The following CNTNAP2 variants were observed in gnomAD, a reference collection of about 807,000 sequenced individuals.
The protein encoded by CNTNAP2 is contactin-associated protein-like 2.
In CNTNAP2, 98 loss-of-function variants were observed where a neutral mutation model predicts 155.2. That is an observed-to-expected ratio of 0.63 (90% CI 0.54 to 0.75). CNTNAP2 has a LOEUF of 0.75. Ranked by LOEUF, CNTNAP2 falls within the 30% of genes least tolerant of loss-of-function variation. CNTNAP2 has a pLI of 0.00. For synonymous variants in CNTNAP2, 651 were observed against 631.2 expected (o/e 1.03, Z -0.47); for missense variants, 1,727 against 1,688.1 (o/e 1.02, Z -0.40).
chr7:147,032,379 A>G (rs1799052157), intron 3 of CNTNAP2, among the ~76,000 whole-genome samples: 1 of 152,202 alleles, frequency 6.6e-6, no homozygotes, highest in African/African-American at 2.4e-5. Context: ...GTTAAGATCA[A>G]TATGATACAT....
intron 1 of CNTNAP2, among the ~76,000 whole-genome samples, chr7:146,489,356 A>G (rs985916239): frequency 6.6e-6 from 1 of 152,204 alleles, no homozygotes; most frequent in Non-Finnish European, 1.5e-5. Flanking sequence ...GCAAAAAGCT[A>G]ATTTAGTTTT....
intron 1 of CNTNAP2, among the ~76,000 whole-genome samples, chr7:146,291,943 C>T (rs909127150): frequency 5.3e-5 from 8 of 151,978 alleles, no homozygotes; most frequent in African/African-American, 1.9e-4. Context: ...AGAGACAGCC[C>T]TATGGATTGG....
chr7:147,501,487 C>T (rs1238535146), intron 11 of CNTNAP2, among the ~76,000 whole-genome samples: 1 of 152,160 alleles, frequency 6.6e-6, no homozygotes, highest in African/African-American at 2.4e-5. Flanking sequence ...ATGTCCCTGA[C>T]TTCAGGTGGT....
At chr7:148,267,449 G>C (rs1307997812) in intron 21 of CNTNAP2, among the ~76,000 whole-genome samples, 2 of 152,056 alleles carry the variant, frequency 1.3e-5, no homozygotes, top group African/African-American at 4.8e-5. Flanking sequence ...GAGGTCAGGA[G>C]TTCGAGACCA....
Position 146,806,208 on chromosome 7 carries a change from G to T in CNTNAP2, c.208+31827G>T, listed in dbSNP as rs1480635072. On this transcript the variant is annotated intron_variant, in intron 2 of 23. Coordinates refer to ENST00000361727, the MANE Select transcript of CNTNAP2 (RefSeq NM_014141.6). ...CAGTTATATATTTGCAATGAAAACTGAGGACAGTTACAGTGGCTCATGCCT... is the reference window on the plus strand; with the variant it reads ...CAGTTATATATTTGCAATGAAAACTTAGGACAGTTACAGTGGCTCATGCCT... Among the ~76,000 whole-genome samples the T allele has an allele frequency of 3.9e-5, 6 of 152,188 alleles. No individual in the cohort carries two copies. In the East Asian group the frequency reaches 5.8e-4, roughly 15 times the overall value.
intron 10 of CNTNAP2, among the ~76,000 whole-genome samples, chr7:147,396,542 G>T (rs1206683112): frequency 6.6e-6 from 1 of 151,946 alleles, no homozygotes; most frequent in Non-Finnish European, 1.5e-5. Flanking sequence ...TTGCAAACCT[G>T]GGGAGAAATT....
At chr7:147,165,962 A>C (rs919546556) in intron 8 of CNTNAP2, among the ~76,000 whole-genome samples, 2 of 152,194 alleles carry the variant, frequency 1.3e-5, no homozygotes, top group African/African-American at 2.4e-5. Flanking sequence ...ACTATGGAAA[A>C]CAGTGTGGAG....
chr7:146,276,152 G>A (rs769819216), intron 1 of CNTNAP2, among the ~76,000 whole-genome samples: 3 of 152,156 alleles, frequency 2.0e-5, no homozygotes, highest in Admixed American at 6.6e-5. Flanking sequence ...CTGTCAAGGG[G>A]ACCAAGACAA....
chr7:147,055,082 G>A (rs1044048937), intron 4 of CNTNAP2, among the ~76,000 whole-genome samples: 11 of 152,048 alleles, frequency 7.2e-5, no homozygotes, highest in South Asian at 2.1e-4. Context: ...CATTCAACCC[G>A]TACCAATCAT....
chr7:147,341,070 TTG>T (rs61319652), intron 9 of CNTNAP2, among the ~76,000 whole-genome samples: 24,216 of 148,790 alleles, frequency 0.16, 2,061 homozygotes, highest in Middle Eastern at 0.18. Flanking sequence ...CATTGTGTGT[TTG>T]TGTGTGTGTG....
chr7:148,186,531 G>T (rs1205986513), intron 18 of CNTNAP2, among the ~76,000 whole-genome samples: 1 of 152,100 alleles, frequency 6.6e-6, no homozygotes, highest in Admixed American at 6.5e-5. Context: ...ACCACATGAG[G>T]CAGCCCTCTT....
At chr7:147,813,147 G>C (rs944549917) in intron 13 of CNTNAP2, among the ~76,000 whole-genome samples, 3 of 151,040 alleles carry the variant, frequency 2.0e-5, no homozygotes, top group Non-Finnish European at 4.4e-5. Context: ...AGTTCAGATG[G>C]GAGATGGACT....
intron 9 of CNTNAP2, among the ~76,000 whole-genome samples, chr7:147,352,488 T>G (rs994426893): frequency 5.9e-5 from 9 of 152,016 alleles, no homozygotes; most frequent in Non-Finnish European, 8.8e-5. Context: ...TCACCTGTTT[T>G]GAAGTCAAAG....
At chr7:146,163,577 C>CTA (rs1178679663) in intron 1 of CNTNAP2, among the ~76,000 whole-genome samples, 1,865 of 136,982 alleles carry the variant, frequency 0.014, 40 homozygotes, top group African/African-American at 0.048. Flanking sequence ...CTATATCTAT[C>CTA]TATCTATCTA....
intron 10 of CNTNAP2, among the ~76,000 whole-genome samples, chr7:147,466,253 T>C (rs917040408): frequency 6.6e-6 from 1 of 152,230 alleles, no homozygotes; most frequent in Non-Finnish European, 1.5e-5. Flanking sequence ...GGCCTCTCTC[T>C]ACAGCATTCC....
At chr7:148,035,411 G>A (rs554649691) in intron 15 of CNTNAP2, among the ~76,000 whole-genome samples, 1 of 152,188 alleles carries the variant, frequency 6.6e-6, no homozygotes, top group Non-Finnish European at 1.5e-5. Context: ...CTCTGCCCAG[G>A]GCGGCCTAGG....
chr7:148,169,549 T>G (rs4725765), intron 17 of CNTNAP2, among the ~76,000 whole-genome samples: 5,709 of 152,256 alleles, frequency 0.037, 155 homozygotes, highest in Middle Eastern at 0.088. Context: ...AATGGAAAAT[T>G]TTAAAAACTT....
chr7:146,441,522 A>G (rs1213191710), intron 1 of CNTNAP2, among the ~76,000 whole-genome samples: 2 of 151,344 alleles, frequency 1.3e-5, no homozygotes, highest in South Asian at 4.1e-4. Flanking sequence ...GGCCATGGAG[A>G]TCATTCTCTG....
chr7:147,984,554 A>T (rs1053985334), intron 15 of CNTNAP2, among the ~76,000 whole-genome samples: 4 of 152,114 alleles, frequency 2.6e-5, no homozygotes, highest in African/African-American at 9.7e-5. Context: ...GAAGAAAAAA[A>T]AATCTCTTAT....
Sources: gnomAD v4.1 joint callset for allele counts (sites outside exome capture counted in the v4.1 genomes callset) on GRCh38, gnomAD v4.1.1 for gene constraint, MANE v1.5 for transcripts, NCBI Gene and HGNC (gene_info 2026-07-23, HGNC 2026-07-21) for gene names.